LGR6: variants seen among roughly 807,000 people sequenced by gnomAD.
LGR6 encodes leucine rich repeat containing G protein-coupled receptor 6, also known as leucine-rich repeat-containing G protein-coupled receptor 6.
A neutral mutation model predicts 69.4 loss-of-function variants in LGR6; 45 were observed. The ratio of observed to expected loss-of-function variants is 0.65; its 90% confidence interval spans 0.51 to 0.83. The LOEUF (loss-of-function observed/expected upper bound fraction) is 0.83. LGR6 is among the 40% of genes least tolerant of loss of function. The pLI, the probability that LGR6 is intolerant of heterozygous loss-of-function variation, is 0.00. For missense variants in LGR6, 1,108 were observed against 1,246.7 expected (o/e 0.89, Z 1.68); for synonymous variants, 538 against 555.0 (o/e 0.97, Z 0.43).
intron 4 of LGR6, among the ~76,000 whole-genome samples, chr1:202,240,388 A>C (rs892499635): frequency 6.6e-6 from 1 of 151,932 alleles, no homozygotes; most frequent in Admixed American, 6.6e-5. Flanking sequence ...AAAAAAAAAA[A>C]AACGACATGA....
Position 202,314,848 on chromosome 1 carries a change from G to A in LGR6, c.1614G>A (p.Lys538=). The A allele has an allele frequency of 6.2e-7, 1 of 1,614,104 alleles. No homozygotes were observed. Among genetic ancestry groups the A allele is most frequent in the Non-Finnish European group, 8.5e-7 (1 of 1,179,972 alleles). ...TCCAGCTGGAGATGGAGGACTCAAA[G>A]CCACACCCCAGTGTCCAGTGTAGCC... ...DELQLEMEDS[K]PHPSVQCSPT... is the part of the protein sequence containing the mutation. Residue 538 remains lysine (K), a synonymous_variant, in exon 17 of 18, where the codon AAG becomes AAA. Transcript: ENST00000367278.
intron 16 of LGR6, 25 bp downstream of exon 16, chr1:202,310,382 G>T (rs1320565104): frequency 6.2e-7 from 1 of 1,610,870 alleles, no homozygotes; most frequent in Admixed American, 1.7e-5. Context: ...GCCCTGGGTT[G>T]GGGAGGGTAG....
At chr1:202,228,568 CT>C (rs1289916062) in intron 3 of LGR6, among the ~76,000 whole-genome samples, 7 of 152,128 alleles carry the variant, frequency 4.6e-5, no homozygotes, top group Non-Finnish European at 4.4e-5. Context: ...TGGAGAGGAC[CT>C]TTTGTTATTC....
intron 6 of LGR6, among the ~76,000 whole-genome samples, chr1:202,297,042 A>G (rs1398051978): frequency 2.0e-5 from 3 of 152,318 alleles, no homozygotes; most frequent in South Asian, 4.1e-4. Flanking sequence ...ACCCCAAGAG[A>G]AGAAACACTC....
intron 1 of LGR6, chr1:202,214,314 A>C: frequency 1.5e-6 from 2 of 1,374,242 alleles, no homozygotes; most frequent in Non-Finnish European, 9.6e-7. Context: ...GGACCCAGAA[A>C]CCGACGCGAC....
intron 3 of LGR6, among the ~76,000 whole-genome samples, chr1:202,234,829 G>C (rs112936028): frequency 2.0e-5 from 3 of 152,136 alleles, no homozygotes; most frequent in African/African-American, 7.2e-5. Flanking sequence ...GTGCACCAAG[G>C]CTTCCCCCTC....
chr1:202,249,737 T>A (rs1453288350), intron 4 of LGR6, among the ~76,000 whole-genome samples: 1 of 152,212 alleles, frequency 6.6e-6, no homozygotes. Context: ...CTGTACATCC[T>A]GTTCGCTCTG....
At chr1:202,253,710 C>A (rs1222769867) in intron 4 of LGR6, among the ~76,000 whole-genome samples, 1 of 125,272 alleles carries the variant, frequency 8.0e-6, no homozygotes, top group Non-Finnish European at 1.6e-5. Flanking sequence ...CTCACTGCAA[C>A]CTCCGCCTCC....
chr1:202,241,685 G>A (rs943097337), intron 4 of LGR6, among the ~76,000 whole-genome samples: 3 of 150,918 alleles, frequency 2.0e-5, no homozygotes, highest in Non-Finnish European at 4.4e-5. Context: ...GGGCAAGGGG[G>A]AAACAGCATG....
chr1:202,269,575 G>A (rs1349204201), intron 4 of LGR6, among the ~76,000 whole-genome samples: 5 of 152,168 alleles, frequency 3.3e-5, no homozygotes, highest in African/African-American at 1.2e-4. Context: ...CCTCTTCTTG[G>A]ATGAGAAGTG....
intron 1 of LGR6, among the ~76,000 whole-genome samples, chr1:202,208,409 A>G (rs922224135): frequency 7.5e-6 from 1 of 133,986 alleles, no homozygotes; most frequent in African/African-American, 2.7e-5. Flanking sequence ...AGGAGGGGGG[A>G]GAGAGAGAGA....
intron 16 of LGR6, among the ~76,000 whole-genome samples, chr1:202,311,061 A>G (rs1324191019): frequency 6.6e-6 from 1 of 152,004 alleles, no homozygotes; most frequent in Non-Finnish European, 1.5e-5. Flanking sequence ...GTGGTATCTT[A>G]GATACCAAGG....
chr1:202,287,457 C>G (rs1209105047), intron 6 of LGR6, among the ~76,000 whole-genome samples: 3 of 152,320 alleles, frequency 2.0e-5, no homozygotes, highest in Admixed American at 6.5e-5. Context: ...TTCTCTCCCT[C>G]CATGTTCTCA....
In LGR6 at chr1:202,208,196, G is replaced by A. The variant is rs565896153; in HGVS notation, c.212+13995G>A. On this transcript the variant is annotated intron_variant, in intron 1 of 17. Coordinates refer to ENST00000367278, the MANE Select transcript of LGR6 (RefSeq NM_001017403.2). ...CCTGACTCCAGCAACTGGAACTTTA[G>A]GTTTGTTCTCTGGTGGAAGTGGGAT... Among the ~76,000 whole-genome samples, 109 of 152,262 alleles carry A rather than the reference G, an allele frequency of 7.2e-4. 1 individual carries two copies. Among genetic ancestry groups the A allele is most frequent in the African/African-American group, 2.0e-3 (84 of 41,556 alleles).
intron 4 of LGR6, among the ~76,000 whole-genome samples, chr1:202,262,928 A>C (rs984267637): frequency 7.6e-5 from 11 of 144,410 alleles, no homozygotes; most frequent in Non-Finnish European, 1.7e-4. Context: ...TTGTCTTTGA[A>C]ACTTGCCTTT....
At chr1:202,245,064 C>T (rs1662535199) in intron 4 of LGR6, among the ~76,000 whole-genome samples, 1 of 152,198 alleles carries the variant, frequency 6.6e-6, no homozygotes, top group Non-Finnish European at 1.5e-5. Flanking sequence ...GCAAGCTGTG[C>T]AGGTGATCTA....
rs1348471199 is a variant in LGR6, at chr1:202,309,101, G to T, written c.1331G>T (p.Gly444Val). 1 of 1,614,166 alleles carries T rather than the reference G, an allele frequency of 6.2e-7. No individual in the cohort carries two copies. The highest frequency in any genetic ancestry group is 8.5e-7 in the Non-Finnish European group (1 of 1,179,996). The change falls in exon 15 of 18, where the codon GGC (glycine) becomes GTC (valine). Residue 444 changes from glycine (G) to valine (V), a missense_variant. Physicochemically the swap from Gly to Val is moderately radical, Grantham distance 109. Transcript: ENST00000367278. The part of the protein sequence containing the change: ...LTTLPLAGLG[G>V]LMHLKLKGNL... ...ACACTGCCCCTGGCTGGACTTGGGG[G>T]CTTGATGCATCTGAAGCTCAAAGGG... is the stretch of plus-strand genomic sequence containing the variant.
intron 11 of LGR6, among the ~76,000 whole-genome samples, chr1:202,304,899 A>G (rs1216733145): frequency 2.0e-5 from 3 of 152,204 alleles, no homozygotes; most frequent in Non-Finnish European, 4.4e-5. Context: ...TAAGGGTTGG[A>G]AAAAATATGT....
At chr1:202,200,946 C>T (rs567714925) in intron 1 of LGR6, among the ~76,000 whole-genome samples, 1 of 152,338 alleles carries the variant, frequency 6.6e-6, no homozygotes, top group East Asian at 1.9e-4. Flanking sequence ...GGCCCGGCTA[C>T]TTAAGGCACC....
Sources: allele counts gnomAD v4.1 joint callset (sites outside exome capture counted in the v4.1 genomes callset), GRCh38; gene constraint gnomAD v4.1.1; transcripts MANE v1.5; gene names NCBI Gene and HGNC (gene_info 2026-07-23, HGNC 2026-07-21).